TNRC6A: variants seen among roughly 807,000 people sequenced by gnomAD.
TNRC6A encodes the protein trinucleotide repeat-containing gene 6A protein.
A neutral mutation model predicts 221.2 loss-of-function variants in TNRC6A; 44 were observed. The observed-to-expected ratio is 0.20, with a 90% confidence interval of 0.16 to 0.26. The LOEUF is 0.26. TNRC6A is among the 10% of genes least tolerant of loss of function. TNRC6A has a pLI of 1.00. For synonymous variants in TNRC6A, 847 were observed against 838.5 expected, an observed-to-expected ratio of 1.01 and a Z score of -0.18; for missense variants, 2,199 against 2,404.4, an observed-to-expected ratio of 0.91 and a Z score of 1.79.
chr16:24,677,771 G>A (rs1215710405), intron 2 of TNRC6A, among the ~76,000 whole-genome samples: 1 of 152,182 alleles, frequency 6.6e-6, no homozygotes, highest in African/African-American at 2.4e-5. Flanking sequence ...CTGGTGCAAA[G>A]TAGGTAGTCA....
rs190834596 is a variant in TNRC6A, at chr16:24,739,726, G to A, written c.53+9426G>A. Among the ~76,000 whole-genome samples the A allele has an allele frequency of 2.4e-3, 369 of 152,046 alleles. 1 individual carries two copies. Among genetic ancestry groups the A allele is most frequent in the Non-Finnish European group, 3.5e-3 (240 of 67,946 alleles). ...ACTCCTGACCTCAAATGATCCACCC[G>A]CCTCTGCCTCCCAAAGTGCTAGGAT... is the stretch of plus-strand genomic sequence containing the variant. On this transcript the variant is annotated intron_variant, in intron 2 of 24. Transcript: ENST00000395799.
intron 1 of TNRC6A, among the ~76,000 whole-genome samples, chr16:24,621,698 T>C (rs549037689): frequency 2.9e-4 from 44 of 152,150 alleles, no homozygotes; most frequent in Non-Finnish European, 5.3e-4. Flanking sequence ...ATTGTTTATA[T>C]GTGTAACGTG....
chr16:24,790,906 G>A lies in TNRC6A; in HGVS notation c.2264G>A (p.Ser755Asn). Reference sequence around the variant, plus strand: ...GACAATGGGACAGAGGCCTGGGGAAGCTCTGCAACACAGACTTTTAACTCA... The same window carrying A: ...GACAATGGGACAGAGGCCTGGGGAAACTCTGCAACACAGACTTTTAACTCA... ...KTDNGTEAWG[S>N]SATQTFNSGA... Residue 755 changes from serine to asparagine, a missense_variant, in exon 6 of 25, where the codon AGC becomes AAC. This residue lies in a region of TNRC6A where 1,405 missense variants were observed against 1,400.2 expected (regional missense o/e 1.00). Coordinates refer to ENST00000395799, the MANE Select transcript of TNRC6A (RefSeq NM_014494.4). The A allele has an allele frequency of 3.1e-6, 5 of 1,614,096 alleles. No individual in the cohort carries two copies. The highest frequency in any genetic ancestry group is 4.2e-6 in the Non-Finnish European group (5 of 1,180,024).
chr16:24,618,718 A>G (rs555460803), intron 1 of TNRC6A, among the ~76,000 whole-genome samples: 1 of 131,812 alleles, frequency 7.6e-6, no homozygotes, highest in African/African-American at 2.9e-5. Context: ...TGGCGCAACC[A>G]TGGCTCACTG....
intron 2 of TNRC6A, among the ~76,000 whole-genome samples, chr16:24,696,885 G>A (rs1244826072): frequency 6.6e-6 from 1 of 151,904 alleles, no homozygotes; most frequent in Non-Finnish European, 1.5e-5. Context: ...TTTTGCCTTG[G>A]TCATGGATGT....
At chr16:24,727,663 A>G (rs932763978), upstream of TNRC6A, among the ~76,000 whole-genome samples, 1 of 152,234 alleles carries the variant, frequency 6.6e-6, no homozygotes, top group Non-Finnish European at 1.5e-5. Context: ...GTTGATAAAT[A>G]TGACTGTTTT....
chr16:24,818,450 G>A, intron 20 of TNRC6A, 143 bp from the exon 21 acceptor site: 1 of 663,890 alleles, frequency 1.5e-6, no homozygotes, highest in Non-Finnish European at 2.7e-6. Context: ...GAAGGAAGAT[G>A]TCTCGGGCAC....
At chr16:24,619,111 T>C (rs1183866854) in intron 1 of TNRC6A, among the ~76,000 whole-genome samples, 2 of 152,250 alleles carry the variant, frequency 1.3e-5, no homozygotes, top group Non-Finnish European at 1.5e-5. Context: ...AAAGAGAATG[T>C]AACAGATTGA....
upstream of TNRC6A, among the ~76,000 whole-genome samples, chr16:24,728,811 T>TA (rs1430043090): frequency 6.6e-6 from 1 of 152,232 alleles, no homozygotes; most frequent in East Asian, 1.9e-4. Flanking sequence ...GTATGTATCT[T>TA]ACTGTGTCTA....
chr16:24,820,755 A>C (rs2058750921), intron 22 of TNRC6A, among the ~76,000 whole-genome samples: 2 of 152,210 alleles, frequency 1.3e-5, no homozygotes, highest in Admixed American at 1.3e-4. Flanking sequence ...AGTGAAAGAG[A>C]GTGCTGTTGA....
chr16:24,679,536 G>C (rs951404780), intron 2 of TNRC6A, among the ~76,000 whole-genome samples: 1 of 151,854 alleles, frequency 6.6e-6, no homozygotes, highest in Non-Finnish European at 1.5e-5. Flanking sequence ...GAGTGCAGTG[G>C]TGTGATCTCA....
intron 2 of TNRC6A, among the ~76,000 whole-genome samples, chr16:24,687,741 A>G (rs895590613): frequency 4.0e-5 from 6 of 151,774 alleles, no homozygotes; most frequent in Admixed American, 1.3e-4. Flanking sequence ...CCAGGCTACA[A>G]TGAGCTATGA....
chr16:24,639,422 G>T (rs1207300996), intron 1 of TNRC6A, among the ~76,000 whole-genome samples: 1 of 152,124 alleles, frequency 6.6e-6, no homozygotes, highest in Non-Finnish European at 1.5e-5. Context: ...GAACCCAGGA[G>T]TTGGAGGCTG....
intron 15 of TNRC6A, 106 bp from the exon 16 acceptor site, chr16:24,806,100 G>A (rs2058426265): frequency 8.1e-7 from 1 of 1,227,304 alleles, no homozygotes; most frequent in Non-Finnish European, 1.1e-6. Flanking sequence ...TGTTGGCATT[G>A]GCTAGATCAC....
intron 19 of TNRC6A, 44 bp downstream of exon 19, chr16:24,815,349 A>G (rs1405508688): frequency 1.2e-6 from 2 of 1,603,724 alleles, no homozygotes; most frequent in Non-Finnish European, 1.7e-6. Context: ...CTGTGTTTCC[A>G]TTAAGGTTTT....
chr16:24,799,188 A>G (rs536220180), intron 11 of TNRC6A, among the ~76,000 whole-genome samples: 18 of 152,300 alleles, frequency 1.2e-4, no homozygotes, highest in African/African-American at 4.1e-4. Context: ...TGCACCTTCT[A>G]TTTACAAAAT....
At chr16:24,762,626 A>G (rs976309685) in intron 4 of TNRC6A, among the ~76,000 whole-genome samples, 3 of 152,234 alleles carry the variant, frequency 2.0e-5, no homozygotes, top group Non-Finnish European at 4.4e-5. Context: ...GTAGGCCTTC[A>G]GTGTATACTA....
intron 1 of TNRC6A, among the ~76,000 whole-genome samples, chr16:24,625,703 G>A (rs1276308438): frequency 1.4e-3 from 185 of 135,244 alleles, no homozygotes; most frequent in African/African-American, 5.1e-3. Context: ...TCCGCAGTCC[G>A]GCCTGGGCGA....
At position 24,790,963 on chromosome 16, in the gene TNRC6A, GTAA is replaced by G. The variant is rs755895810; in HGVS notation, c.2323_2325del (p.Asn775del). 17 of 1,610,286 alleles carry G rather than the reference GTAA, an allele frequency of 1.1e-5. No homozygotes were observed. In the Admixed American group the frequency reaches 1.2e-4, roughly 11 times the overall value. ...TGTATAGATAAGACTAGCCCTAATG[GTAA>G]TGATACCTCATCTGTATCAGGGTGG... On this transcript the variant is annotated inframe_deletion, in exon 6 of 25. Coordinates refer to ENST00000395799, the MANE Select transcript of TNRC6A (RefSeq NM_014494.4).
Sources: gnomAD v4.1 joint callset for allele counts (sites outside exome capture counted in the v4.1 genomes callset) on GRCh38, gnomAD v4.1.1 for gene constraint, gnomAD v4.1.1 regional missense constraint, MANE v1.5 for transcripts, NCBI Gene and HGNC (gene_info 2026-07-23, HGNC 2026-07-21) for gene names.